PRKG1: variants seen among roughly 807,000 people sequenced by gnomAD.
PRKG1 encodes protein kinase cGMP-dependent 1.
A neutral mutation model predicts 88.1 loss-of-function variants in PRKG1; 35 were observed. The observed-to-expected ratio is 0.40, with a 90% CI of 0.30 to 0.53. The LOEUF is 0.53. PRKG1 is among the 20% of genes least tolerant of loss of function. The pLI is 0.59. For synonymous variants in PRKG1, 303 were observed against 292.5 expected (o/e 1.04, Z -0.37); for missense variants, 540 against 839.8 (o/e 0.64, Z 4.41).
chr10:51,277,965 C>A (rs1463621132), intron 2 of PRKG1, among the ~76,000 whole-genome samples: 1 of 152,132 alleles, frequency 6.6e-6, no homozygotes, highest in African/African-American at 2.4e-5. Context: ...TGCCTGATTG[C>A]CCTGGCTAGA....
intron 4 of PRKG1, among the ~76,000 whole-genome samples, chr10:51,852,106 T>TTATA (rs547066670): frequency 1.3e-5 from 2 of 150,448 alleles, no homozygotes; most frequent in African/African-American, 4.9e-5. Flanking sequence ...AAACTTAGAC[T>TTATA]TATATATATA....
chr10:51,699,678 C>A, intron 3 of PRKG1: 1 of 1,060,178 alleles, frequency 9.4e-7, no homozygotes, highest in South Asian at 1.6e-5. Context: ...TCGCTTGAAT[C>A]GTTCCGCTTG....
intron 9 of PRKG1, among the ~76,000 whole-genome samples, chr10:52,187,746 A>AT (rs1174763476): frequency 6.6e-6 from 1 of 152,228 alleles, no homozygotes; most frequent in Non-Finnish European, 1.5e-5. Context: ...AAATGCTACC[A>AT]TGAGCCAAAC....
At chr10:51,423,568 A>G (rs1838480933) in intron 2 of PRKG1, among the ~76,000 whole-genome samples, 1 of 152,088 alleles carries the variant, frequency 6.6e-6, no homozygotes, top group Non-Finnish European at 1.5e-5. Flanking sequence ...AGTATTTCAA[A>G]GGGATTGAAT....
intron 1 of PRKG1, among the ~76,000 whole-genome samples, chr10:51,087,612 T>G (rs1454474697): frequency 2.0e-5 from 3 of 152,214 alleles, no homozygotes; most frequent in Non-Finnish European, 4.4e-5. Context: ...GTTTTGTTTC[T>G]TTTATATAGA....
chr10:52,053,228 T>TG (rs1846032150), intron 5 of PRKG1, among the ~76,000 whole-genome samples: 2 of 6,346 alleles, frequency 3.2e-4, no homozygotes, highest in Non-Finnish European at 9.0e-3. Flanking sequence ...GAATAAGAAA[T>TG]ACTTTTTTAT....
At chr10:52,141,582 T>TATGGATATC (rs1295047387) in intron 8 of PRKG1, among the ~76,000 whole-genome samples, 11 of 152,120 alleles carry the variant, frequency 7.2e-5, no homozygotes, top group African/African-American at 2.7e-4. Flanking sequence ...CTTATTTCCA[T>TATGGATATC]CTCTGTTATA....
At chr10:51,854,069 A>T (rs1727337441) in intron 4 of PRKG1, among the ~76,000 whole-genome samples, 1 of 152,068 alleles carries the variant, frequency 6.6e-6, no homozygotes, top group South Asian at 2.1e-4. Flanking sequence ...TGGCCCCTCT[A>T]TATAGAAATT....
At chr10:51,609,553 G>C (rs559811897) in intron 3 of PRKG1, among the ~76,000 whole-genome samples, 1 of 152,212 alleles carries the variant, frequency 6.6e-6, no homozygotes, top group East Asian at 1.9e-4. Flanking sequence ...GTTCATTGCA[G>C]CACTATTCAC....
chr10:51,913,962 A>G (rs996281735), intron 5 of PRKG1, among the ~76,000 whole-genome samples: 1 of 152,190 alleles, frequency 6.6e-6, no homozygotes, highest in Non-Finnish European at 1.5e-5. Context: ...AATGTATTTG[A>G]GTCTATTCTG....
chr10:51,187,668 T>G (rs1450095036), intron 2 of PRKG1, among the ~76,000 whole-genome samples: 1 of 152,034 alleles, frequency 6.6e-6, no homozygotes, highest in Non-Finnish European at 1.5e-5. Flanking sequence ...GGCCCATCAT[T>G]CTTCTAATAA....
chr10:52,235,804 C>T (rs1372431789), intron 9 of PRKG1, among the ~76,000 whole-genome samples: 2 of 118,246 alleles, frequency 1.7e-5, no homozygotes, highest in South Asian at 3.4e-4. Context: ...CTCAGCTCTG[C>T]ACCAAGCGGA....
intron 1 of PRKG1, among the ~76,000 whole-genome samples, chr10:51,044,995 T>G (rs1275547060): frequency 6.6e-6 from 1 of 152,168 alleles, no homozygotes; most frequent in Non-Finnish European, 1.5e-5. Context: ...GATATTTTAG[T>G]GCATGTATTT....
intron 3 of PRKG1, among the ~76,000 whole-genome samples, chr10:51,707,497 C>T (rs943053025): frequency 3.9e-5 from 6 of 152,114 alleles, no homozygotes; most frequent in African/African-American, 1.4e-4. Flanking sequence ...CCCGAAGGAA[C>T]GCAGAAGTAT....
At chr10:51,752,800 G>A (rs1162137545) in intron 3 of PRKG1, among the ~76,000 whole-genome samples, 1 of 152,102 alleles carries the variant, frequency 6.6e-6, no homozygotes, top group African/African-American at 2.4e-5. Context: ...AACAGACAAT[G>A]AAGATTATTC....
At chr10:51,735,854 CATATAT>C (rs146700314) in intron 3 of PRKG1, among the ~76,000 whole-genome samples, 8,675 of 113,998 alleles carry the variant, frequency 0.076, 403 homozygotes, top group East Asian at 0.11. Flanking sequence ...GGCCTGACTG[CATATAT>C]ATATATATAT....
chr10:51,350,813 C>T (rs182830722), intron 2 of PRKG1, among the ~76,000 whole-genome samples: 5 of 152,250 alleles, frequency 3.3e-5, no homozygotes, highest in Admixed American at 1.3e-4. Context: ...ATGTGCAGAA[C>T]GTGCAGGTTT....
At chr10:51,572,496 A>G (rs929283767) in intron 3 of PRKG1, among the ~76,000 whole-genome samples, 2 of 151,896 alleles carry the variant, frequency 1.3e-5, no homozygotes, top group African/African-American at 4.8e-5. Flanking sequence ...TGCCTTAGAC[A>G]TTATCCAGGT....
At chr10:51,790,777 T>C (rs555722151) in intron 3 of PRKG1, among the ~76,000 whole-genome samples, 1 of 152,164 alleles carries the variant, frequency 6.6e-6, no homozygotes, top group Non-Finnish European at 1.5e-5. Context: ...ATAACTATCA[T>C]GAATATACTC....
Sources: allele counts gnomAD v4.1 joint callset (sites outside exome capture counted in the v4.1 genomes callset), GRCh38; gene constraint gnomAD v4.1.1; transcripts MANE v1.5; gene names NCBI Gene and HGNC (gene_info 2026-07-23, HGNC 2026-07-21).